Variants in SETD1B observed in about 807,000 individuals in gnomAD.
The protein encoded by SETD1B is SET domain containing 1B, histone lysine methyltransferase.
SETD1B carries 7 observed loss-of-function variants against 148.0 expected under a neutral mutation model. That is an observed-to-expected ratio of 0.05 (90% CI 0.03 to 0.09). The LOEUF is 0.09. SETD1B is among the 10% of genes least tolerant of loss of function. The pLI is 1.00. For synonymous variants in SETD1B, 1,361 were observed against 1,186.5 expected (o/e 1.15, Z -3.02); for missense variants, 2,155 against 2,729.9 (o/e 0.79, Z 4.69).
intron 6 of SETD1B, among the ~76,000 whole-genome samples, chr12:121,812,198 G>A (rs1043113886): frequency 6.6e-6 from 1 of 152,186 alleles, no homozygotes; most frequent in African/African-American, 2.4e-5. Context: ...GCCGCGCGCA[G>A]TGCGGGGAGC....
the SETD1B span, chr12:121,793,790 T>C: frequency 3.4e-6 from 2 of 592,312 alleles, no homozygotes; most frequent in Non-Finnish European, 2.7e-6. Context: ...GTTTCCTTTC[T>C]GCTAAGGTCT....
chr12:121,809,558 T>C (rs1192627050), intron 5 of SETD1B, 45 bp from the exon 6 acceptor site: 1 of 1,496,604 alleles, frequency 6.7e-7, no homozygotes, highest in Non-Finnish European at 8.9e-7. Context: ...CCCTGTTCCA[T>C]TGCATGTTTT....
rs558011364 is a variant in SETD1B, at chr12:121,823,541, G to T, written c.4962G>T (p.Val1654=). The change falls in exon 12 of 17, where the codon GTG becomes GTT. Residue 1654 remains valine, a synonymous_variant. Transcript: ENST00000604567. ...RPPKKRHEDL[V]PPAGSPELSP... is the part of the protein sequence containing the mutation. ...CTAAGAAGCGCCATGAGGACCTGGT[G>T]CCACCTGCGGGCTCGCCCGAACTCT... 6.4e-7 allele frequency: 1 copy of T among 1,551,140 alleles called. No homozygotes were observed. The highest frequency in any genetic ancestry group is 1.2e-5 in the South Asian group (1 of 84,040).
In SETD1B at chr12:121,817,332, T is replaced by TC; in HGVS notation, c.2978-32dup. The stretch of plus-strand genomic sequence containing the variant: ...GGTGCTGGGGTCCCCTTCTTCCGCA[T>TC]CCCCCCAGCCCAGCTCTGACTCCCT... On this transcript the variant is annotated intron_variant, in intron 8 of 16. Coordinates refer to ENST00000604567, the MANE Select transcript of SETD1B (RefSeq NM_001353345.2). This position sits in a 1 kb window ranked among gnomAD's most constrained non-coding sequence, Gnocchi z 8.1. 5.2e-6 allele frequency: 8 copies of TC among 1,539,206 alleles called. No individual in the cohort carries two copies. Among genetic ancestry groups the TC allele is most frequent in the East Asian group, 2.5e-5 (1 of 40,774 alleles).
At chr12:121,818,009 T>G (rs1876382703) in intron 10 of SETD1B, 105 bp downstream of exon 10, 2 of 1,176,696 alleles carry the variant, frequency 1.7e-6, no homozygotes, top group Admixed American at 5.8e-5. Flanking sequence ...ATGTTGTGCT[T>G]TTGAGACGTT....
intron 12 of SETD1B, 101 bp downstream of exon 12, chr12:121,823,850 C>T: frequency 7.0e-7 from 1 of 1,423,604 alleles, no homozygotes; most frequent in Non-Finnish European, 9.3e-7. Flanking sequence ...CCCGCGGTGC[C>T]CATGAAGGTG....
At chr12:121,793,367 T>C in the SETD1B span, 1 of 1,438,670 alleles carries the variant, frequency 7.0e-7, no homozygotes, top group South Asian at 1.2e-5. Context: ...GCTCTGGAAT[T>C]CCCGAGGGGG....
chr12:121,797,219 G>A, the SETD1B span: 128 of 356,930 alleles, frequency 3.6e-4, no homozygotes, highest in South Asian at 2.5e-3. Flanking sequence ...CATGTTCCAC[G>A]CTAGGGCTCC....
chr12:121,793,138 G>C, the SETD1B span: 11,943 of 1,548,074 alleles, frequency 7.7e-3, 173 homozygotes, highest in Middle Eastern at 0.031. Context: ...CCCCCGGCGC[G>C]CAGGCGCACT....
chr12:121,830,431 G>T lies in SETD1B; in HGVS notation c.*192G>T. On this transcript the variant is annotated 3_prime_UTR_variant, in exon 17 of 17. Transcript: ENST00000604567. This position sits in a 1 kb window ranked among gnomAD's most constrained non-coding sequence, Gnocchi z 5.7. The stretch of plus-strand genomic sequence containing the variant: ...GGCTCCGGCCCCTCCGCGGGAAAGG[G>T]CTTCTCTGTCGTTCAGCCCACGTCT... 1.8e-6 allele frequency: 1 copy of T among 551,828 alleles called. No homozygotes were observed. Among genetic ancestry groups the T allele is most frequent in the Admixed American group, 3.2e-5 (1 of 30,850 alleles). 34.2% of individuals were successfully genotyped at this position (551,828 alleles called of 1,614,324 possible).
In SETD1B at chr12:121,830,049, C is replaced by A. The variant is rs781687441; in HGVS notation, c.5728-17C>A. 6.5e-7 allele frequency: 1 copy of A among 1,545,004 alleles called. No individual in the cohort carries two copies. On this transcript the variant is annotated splice_polypyrimidine_tract_variant and intron_variant, in intron 16 of 16. Coordinates refer to ENST00000604567, the MANE Select transcript of SETD1B (RefSeq NM_001353345.2). The surrounding 1 kb of genome is among the most constrained non-coding windows in gnomAD (Gnocchi z 5.7). The stretch of plus-strand genomic sequence containing the variant: ...TGGGGGACCAGGGGCTCATTCTCCC[C>A]CCCACCTTGCCTGCAGCCCAACTGC...
chr12:121,797,271 T>C, the SETD1B span: 21 of 369,984 alleles, frequency 5.7e-5, no homozygotes, highest in East Asian at 1.5e-3. Context: ...GGCGACTCAG[T>C]AGTAAGGCAA....
At chr12:121,796,182 C>G in the SETD1B span, 1 of 152,634 alleles carries the variant, frequency 6.6e-6, no homozygotes, top group Admixed American at 6.5e-5. Flanking sequence ...CAGGAGGTAG[C>G]TCCCTTACCT....
At chr12:121,809,564 G>A in intron 5 of SETD1B, 39 bp from the exon 6 acceptor site, 2 of 1,502,126 alleles carry the variant, frequency 1.3e-6, no homozygotes, top group Non-Finnish European at 1.8e-6. Context: ...TCCATTGCAT[G>A]TTTTCCCCCA....
In SETD1B at chr12:121,823,060, C is replaced by A; in HGVS notation, c.4481C>A (p.Ala1494Asp). Residue 1494 changes from alanine to aspartate, a missense_variant, in exon 12 of 17, where the codon GCT becomes GAT. By Grantham distance (126) the Ala-to-Asp change is moderately radical. Coordinates refer to ENST00000604567, the MANE Select transcript of SETD1B (RefSeq NM_001353345.2). ...LALPAVLRAQ[A>D]RAPTPLPPLL... The stretch of plus-strand genomic sequence containing the variant: ...TTGCCCGCCGTCTTGCGGGCCCAGG[C>A]TCGTGCGCCCACCCCGCTGCCACCC... The A allele has an allele frequency of 6.6e-7, 1 of 1,517,008 alleles. No homozygotes were observed. Among genetic ancestry groups the A allele is most frequent in the Non-Finnish European group, 8.8e-7 (1 of 1,133,240 alleles). The allele number at this position is 1,517,008 out of a possible 1,614,324, so 94.0% of individuals were successfully genotyped here.
Position 121,832,129 on chromosome 12 carries a change from CT to C in SETD1B, c.*1891del, listed in dbSNP as rs1403096023. 1 of 152,148 alleles carries C rather than the reference CT, an allele frequency of 6.6e-6. No individual in the cohort carries two copies. Among genetic ancestry groups the C allele is most frequent in the African/African-American group, 2.4e-5 (1 of 41,422 alleles). 9.4% of individuals were successfully genotyped at this position (152,148 alleles called of 1,614,324 possible). ...GGCTGATTCAAGTTACATGTACAGC[CT>C]CCAAAGGGCTGTCTCCATTCTGTCC... On this transcript the variant is annotated 3_prime_UTR_variant, in exon 17 of 17. Coordinates refer to ENST00000604567, the MANE Select transcript of SETD1B (RefSeq NM_001353345.2).
intron 10 of SETD1B, 97 bp from the exon 11 acceptor site, chr12:121,819,307 C>T: frequency 6.6e-7 from 1 of 1,520,264 alleles, no homozygotes; most frequent in South Asian, 1.3e-5. Context: ...CGTGTTCAGC[C>T]TGGGTGCCAC....
chr12:121,797,231 G>A, the SETD1B span: 1 of 358,082 alleles, frequency 2.8e-6, no homozygotes, highest in African/African-American at 2.1e-5. Flanking sequence ...TAGGGCTCCG[G>A]GCGGAGAGGC....
intron 16 of SETD1B, 30 bp downstream of exon 16, chr12:121,828,100 C>CCCTGCT (rs771153868): frequency 1.9e-6 from 3 of 1,548,916 alleles, no homozygotes; most frequent in African/African-American, 2.7e-5. Context: ...TGGCCCCTGC[C>CCCTGCT]CCTGCTCCTG....
Sources: allele counts gnomAD v4.1 joint callset (sites outside exome capture counted in the v4.1 genomes callset), GRCh38; gene constraint gnomAD v4.1.1; non-coding constraint Gnocchi (gnomAD v3.1); transcripts MANE v1.5; gene names NCBI Gene and HGNC (gene_info 2026-07-23, HGNC 2026-07-21).